Variants in ZMYND8 observed in about 807,000 individuals in gnomAD.
The protein encoded by ZMYND8 is MYND-type zinc finger-containing chromatin reader ZMYND8.
ZMYND8 carries 37 observed loss-of-function variants against 140.8 expected under a neutral mutation model. The ratio of observed to expected loss-of-function variants is 0.26; its 90% CI spans 0.20 to 0.35. The LOEUF (loss-of-function observed/expected upper bound fraction) is 0.35. Among genes scored for constraint, ZMYND8 ranks in the 10% least tolerant of loss-of-function variants. The pLI is 1.00. For missense variants in ZMYND8, 1,068 were observed against 1,570.0 expected, an observed-to-expected ratio of 0.68 and a Z score of 5.40; for synonymous variants, 592 against 597.1, an observed-to-expected ratio of 0.99 and a Z score of 0.12.
intron 12 of ZMYND8, among the ~76,000 whole-genome samples, chr20:47,261,195 T>A (rs1429169065): frequency 6.6e-6 from 1 of 152,094 alleles, no homozygotes; most frequent in Non-Finnish European, 1.5e-5. Context: ...CATTGCAGCC[T>A]GGGCAACAAG....
At chr20:47,258,818 C>A (rs974103902) in intron 12 of ZMYND8, among the ~76,000 whole-genome samples, 1 of 152,136 alleles carries the variant, frequency 6.6e-6, no homozygotes, top group Non-Finnish European at 1.5e-5. Context: ...TGATCTCCTC[C>A]CCACCCACGG....
chr20:47,256,498 T>G (rs935797357), intron 12 of ZMYND8, among the ~76,000 whole-genome samples: 1 of 152,066 alleles, frequency 6.6e-6, no homozygotes, highest in Admixed American at 6.5e-5. Flanking sequence ...CGGGCACCTG[T>G]AGTCCCAGCT....
At chr20:47,356,634 G>A (rs1407333240) in intron 1 of ZMYND8, 23 bp downstream of exon 1, 3 of 1,614,194 alleles carry the variant, frequency 1.9e-6, no homozygotes, top group Middle Eastern at 3.3e-4. Flanking sequence ...GGGGAAAAAA[G>A]ATGGTTAAAA....
intron 1 of ZMYND8, chr20:47,351,837 T>C: frequency 3.0e-6 from 3 of 985,450 alleles, no homozygotes; most frequent in Non-Finnish European, 3.6e-6. Flanking sequence ...CTGTAGCTCT[T>C]GTTTAAGCAG....
At chr20:47,352,313 G>A (rs1040079853) in intron 1 of ZMYND8, among the ~76,000 whole-genome samples, 10 of 152,274 alleles carry the variant, frequency 6.6e-5, no homozygotes, top group Non-Finnish European at 1.0e-4. Flanking sequence ...CTCAGTCTAC[G>A]GCAAAGGTAA....
intron 18 of ZMYND8, among the ~76,000 whole-genome samples, chr20:47,226,806 C>T (rs771732981): frequency 1.1e-4 from 16 of 152,088 alleles, no homozygotes; most frequent in Non-Finnish European, 2.1e-4. Flanking sequence ...ACCACAGGAG[C>T]GCACCACCAG....
At chr20:47,230,971 C>T (rs189822785) in intron 16 of ZMYND8, among the ~76,000 whole-genome samples, 290 of 152,306 alleles carry the variant, frequency 1.9e-3, no homozygotes, top group Non-Finnish European at 3.3e-3. Context: ...CTCGCGCATC[C>T]GTGCTGCAGC....
chr20:47,312,979 G>A lies in ZMYND8; in HGVS notation c.86-2775C>T, dbSNP rs867901367. On this transcript the variant is annotated intron_variant, in intron 2 of 22. Transcript: ENST00000471951. ...ATTCTACAAACATAGTGGAAAAGGA[G>A]CAAAGGCAAGATGACTGCACTGCAG... Among the ~76,000 whole-genome samples the A allele has an allele frequency of 7.2e-5, 11 of 152,210 alleles. No homozygotes were observed. The Middle Eastern group carries it at 0.02, about 282-fold the overall frequency.
chr20:47,346,009 G>A (rs77130175), intron 2 of ZMYND8, among the ~76,000 whole-genome samples: 3,025 of 152,238 alleles, frequency 0.02, 98 homozygotes, highest in African/African-American at 0.07. Context: ...GAGGATGGGA[G>A]TAGGAGAAAA....
chr20:47,349,796 G>A (rs1325897506), intron 1 of ZMYND8: 2 of 1,529,484 alleles, frequency 1.3e-6, no homozygotes, highest in East Asian at 4.9e-5. Context: ...GCTAATCTGT[G>A]ATCCAACTGA....
At chr20:47,273,761 T>C (rs913661038) in intron 11 of ZMYND8, among the ~76,000 whole-genome samples, 4 of 152,264 alleles carry the variant, frequency 2.6e-5, no homozygotes, top group East Asian at 1.9e-4. Flanking sequence ...GCCTCCTCAG[T>C]AGCTGGGACT....
chr20:47,341,260 C>T (rs2148535786), intron 2 of ZMYND8, among the ~76,000 whole-genome samples: 1 of 152,318 alleles, frequency 6.6e-6, no homozygotes, highest in Middle Eastern at 3.4e-3. Flanking sequence ...AGCAAGGTGG[C>T]TCACACCTAT....
chr20:47,355,503 AG>A, intron 1 of ZMYND8: 1 of 985,464 alleles, frequency 1.0e-6, no homozygotes. Context: ...AAGAGAGAAC[AG>A]GCTGGCAGAT....
intron 10 of ZMYND8, among the ~76,000 whole-genome samples, chr20:47,280,257 C>T (rs1014781655): frequency 6.6e-6 from 1 of 152,160 alleles, no homozygotes; most frequent in Non-Finnish European, 1.5e-5. Context: ...GGGATCCCCT[C>T]TCCCAAAACA....
At chr20:47,331,917 TG>T (rs1269020975) in intron 2 of ZMYND8, among the ~76,000 whole-genome samples, 3 of 152,156 alleles carry the variant, frequency 2.0e-5, no homozygotes, top group African/African-American at 7.2e-5. Flanking sequence ...CTAAGAAGTT[TG>T]GCTTGCTGGA....
At chr20:47,274,682 T>C (rs2076152198) in intron 11 of ZMYND8, among the ~76,000 whole-genome samples, 1 of 152,204 alleles carries the variant, frequency 6.6e-6, no homozygotes, top group African/African-American at 2.4e-5. Context: ...CATGAGTGTC[T>C]AGGACCACAC....
At position 47,262,366 on chromosome 20, in the gene ZMYND8, A is replaced by G. The variant is rs1175844985; in HGVS notation, c.1543T>C (p.Ser515Pro). The G allele has an allele frequency of 1.9e-6, 3 of 1,613,470 alleles. No individual in the cohort carries two copies. The highest frequency in any genetic ancestry group is 1.3e-5 in the African/African-American group (1 of 74,676). ...GTGATAGGAGCTGACAGTTGAGGAGAGAAGGGCTTTGGGCTGCCGGATAAA... is the reference window on the plus strand; with the variant it reads ...GTGATAGGAGCTGACAGTTGAGGAGGGAAGGGCTTTGGGCTGCCGGATAAA... ...GSLSGSPKPF[S>P]PQLSAPITTK... Residue 515 changes from serine to proline, a missense_variant, in exon 12 of 23, where the codon TCT becomes CCT. Physicochemically the swap from Ser to Pro is moderately conservative, Grantham distance 74. Around this residue, in one of 10 missense-constraint regions of ZMYND8, gnomAD observed 173 missense variants for 223.3 expected, o/e 0.77. Coordinates refer to ENST00000471951, the MANE Select transcript of ZMYND8 (RefSeq NM_001281775.3).
chr20:47,330,222 A>C (rs1239405475), intron 2 of ZMYND8, among the ~76,000 whole-genome samples: 1 of 152,132 alleles, frequency 6.6e-6, no homozygotes, highest in Admixed American at 6.6e-5. Flanking sequence ...GGAAAGACAG[A>C]TGCTGCAGGA....
At chr20:47,291,524 G>A (rs984499735) in intron 6 of ZMYND8, among the ~76,000 whole-genome samples, 1 of 152,168 alleles carries the variant, frequency 6.6e-6, no homozygotes, top group Non-Finnish European at 1.5e-5. Flanking sequence ...CTAACTCTTA[G>A]AAGCTATGGC....
Sources: allele counts gnomAD v4.1 joint callset (sites outside exome capture counted in the v4.1 genomes callset), GRCh38; gene constraint gnomAD v4.1.1; regional missense constraint gnomAD v4.1.1; transcripts MANE v1.5; gene names NCBI Gene and HGNC (gene_info 2026-07-23, HGNC 2026-07-21).